The following NCALD variants were observed in gnomAD, a reference collection of about 807,000 sequenced individuals.
NCALD encodes the protein neurocalcin delta, also known as neurocalcin-delta.
NCALD carries 10 observed loss-of-function variants against 18.6 expected under a neutral mutation model. The observed-to-expected ratio is 0.54, with a 90% CI of 0.33 to 0.91. The LOEUF is 0.91. NCALD is among the 40% of genes least tolerant of loss of function. The pLI, the probability that NCALD is intolerant of heterozygous loss-of-function variation, is 0.03. For missense variants in NCALD, 184 were observed against 247.6 expected, an observed-to-expected ratio of 0.74 and a Z score of 1.72; for synonymous variants, 88 against 87.4, an observed-to-expected ratio of 1.01 and a Z score of -0.04.
In NCALD at chr8:101,719,594, G is replaced by GACCTCC. The variant is rs1563692570; in HGVS notation, c.30_35dup (p.Glu11_Val12dup). The stretch of plus-strand genomic sequence containing the variant: ...CTGTGCTTTCCAGCAAGTCCTGCAT[G>GACCTCC]ACCTCCGGGCGCAGCTTGCTGTTCT... On this transcript the variant is annotated inframe_insertion, in exon 2 of 4. Transcript: ENST00000220931. 1 of 1,607,012 alleles carries GACCTCC rather than the reference G, an allele frequency of 6.2e-7. No individual in the cohort carries two copies. The highest frequency in any genetic ancestry group is 8.5e-7 in the Non-Finnish European group (1 of 1,177,214).
In NCALD at chr8:101,843,405, T is replaced by C. The variant is rs1187269101; in HGVS notation, c.-20+43736A>G. On this transcript the variant is annotated intron_variant, in intron 4 of 6. Coordinates refer to the NCALD transcript ENST00000311028. ...TTAAACACCCTCCAGGGGATTTTGATGCAAGCTAAAGCTTCTGAGTATGTG... is the reference window on the plus strand; with the variant it reads ...TTAAACACCCTCCAGGGGATTTTGACGCAAGCTAAAGCTTCTGAGTATGTG... 3.3e-5 allele frequency among the ~76,000 whole-genome samples: 5 copies of C among 152,144 alleles called. No homozygotes were observed. The East Asian group carries it at 9.6e-4, about 29-fold the overall frequency.
intron 4 of NCALD, among the ~76,000 whole-genome samples, chr8:101,803,783 A>G (rs540885029): frequency 2.0e-5 from 3 of 152,330 alleles, no homozygotes; most frequent in African/African-American, 4.8e-5. Flanking sequence ...GATGGAATCT[A>G]CTTCTGGTGA....
chr8:101,932,622 G>GA (rs962571620), intron 2 of NCALD, among the ~76,000 whole-genome samples: 40 of 151,654 alleles, frequency 2.6e-4, no homozygotes, highest in South Asian at 6.3e-4. Flanking sequence ...GTACACGAGA[G>GA]AAAAAAAAGA....
intron 2 of NCALD, among the ~76,000 whole-genome samples, chr8:101,922,663 C>G (rs1024131627): frequency 3.9e-5 from 6 of 152,130 alleles, no homozygotes; most frequent in Non-Finnish European, 5.9e-5. Context: ...CGTAGTATCT[C>G]CAGTACAATA....
At chr8:101,772,409 A>G (rs1811621899) in intron 1 of NCALD, among the ~76,000 whole-genome samples, 1 of 152,152 alleles carries the variant, frequency 6.6e-6, no homozygotes, top group Admixed American at 6.5e-5. Context: ...GTATCTTCCT[A>G]GTGGCAAACA....
rs369393213 is a variant in NCALD at position 101,843,582 on chromosome 8, G to GTTTT, written c.-20+43555_-20+43558dup. Among the ~76,000 whole-genome samples the GTTTT allele has an allele frequency of 5.8e-4, 73 of 125,138 alleles. 5 individuals are homozygous for GTTTT. The highest frequency in any genetic ancestry group is 2.3e-3 in the African/African-American group (70 of 30,664). 82.1% of individuals were successfully genotyped at this position (125,138 alleles called of 152,430 possible). A position where few individuals can be genotyped will look rare whatever the true frequency, so the allele number is the denominator to read the frequency against. Reference sequence around the variant, plus strand: ...TCTGTTCTATGAATCTTTAAAAATTGTTTTTTTTTTTTTTGAGACAGTCTT... The same window carrying GTTTT: ...TCTGTTCTATGAATCTTTAAAAATTGTTTTTTTTTTTTTTTTTTGAGACAGTCTT... On this transcript the variant is annotated intron_variant, in intron 4 of 6. Transcript: ENST00000311028.
chr8:101,725,778 A>C (rs1304339930), intron 1 of NCALD, among the ~76,000 whole-genome samples: 2 of 152,224 alleles, frequency 1.3e-5, no homozygotes, highest in African/African-American at 4.8e-5. Context: ...CAGAGGGGTC[A>C]AGGGAGCTCT....
intron 2 of NCALD, among the ~76,000 whole-genome samples, chr8:101,949,673 T>C (rs1819313427): frequency 6.6e-6 from 1 of 152,090 alleles, no homozygotes; most frequent in Non-Finnish European, 1.5e-5. Flanking sequence ...AGAAAATAAC[T>C]GAAGGCCATC....
intron 4 of NCALD, among the ~76,000 whole-genome samples, chr8:101,838,490 G>A (rs1814505899): frequency 6.6e-6 from 1 of 152,202 alleles, no homozygotes; most frequent in African/African-American, 2.4e-5. Context: ...AAAGTGCTGG[G>A]ATTACAGGCA....
intron 2 of NCALD, among the ~76,000 whole-genome samples, chr8:101,980,347 T>C (rs1024099257): frequency 6.6e-6 from 1 of 152,154 alleles, no homozygotes; most frequent in African/African-American, 2.4e-5. Flanking sequence ...AGTGCAAACC[T>C]TTTTTAGCCC....
intron 3 of NCALD, among the ~76,000 whole-genome samples, chr8:101,897,833 T>G (rs1817262983): frequency 6.6e-6 from 1 of 152,174 alleles, no homozygotes; most frequent in Non-Finnish European, 1.5e-5. Flanking sequence ...GACATTGATA[T>G]GGTTTGACTG....
At chr8:101,813,394 T>G (rs1813378225) in intron 4 of NCALD, among the ~76,000 whole-genome samples, 1 of 152,070 alleles carries the variant, frequency 6.6e-6, no homozygotes, top group Non-Finnish European at 1.5e-5. Context: ...AAGGAGCACA[T>G]GATGAACTGG....
intron 2 of NCALD, among the ~76,000 whole-genome samples, chr8:101,929,114 TA>T (rs2131689553): frequency 1.3e-5 from 2 of 151,596 alleles, no homozygotes; most frequent in African/African-American, 4.8e-5. Context: ...AAATCTTATT[TA>T]ATCCATCATA....
chr8:102,095,611 G>A (rs1011724979), intron 1 of NCALD, among the ~76,000 whole-genome samples: 1 of 152,126 alleles, frequency 6.6e-6, no homozygotes, highest in African/African-American at 2.4e-5. Context: ...AAGCATTGGG[G>A]AGATAATTAC....
At chr8:101,716,418 T>C (rs1816088281) in intron 2 of NCALD, among the ~76,000 whole-genome samples, 1 of 152,092 alleles carries the variant, frequency 6.6e-6, no homozygotes, top group African/African-American at 2.4e-5. Flanking sequence ...TGTATACCTA[T>C]GTAACAAACC....
chr8:101,930,591 G>A (rs1818537814), intron 2 of NCALD, among the ~76,000 whole-genome samples: 1 of 151,736 alleles, frequency 6.6e-6, no homozygotes, highest in African/African-American at 2.4e-5. Context: ...ATGGCAAGCA[G>A]GAGAAGGCCT....
intron 2 of NCALD, among the ~76,000 whole-genome samples, chr8:101,970,355 T>C (rs1820193020): frequency 6.6e-6 from 1 of 152,234 alleles, no homozygotes; most frequent in African/African-American, 2.4e-5. Context: ...TTGTGTATTA[T>C]TGCATTGTAA....
intron 4 of NCALD, among the ~76,000 whole-genome samples, chr8:101,845,223 G>GCTCA (rs1480241813): frequency 1.3e-5 from 2 of 152,318 alleles, no homozygotes; most frequent in East Asian, 3.9e-4. Context: ...TAAAGAGTGA[G>GCTCA]CCCAGTAATG....
At chr8:102,012,762 T>C (rs868192139) in intron 2 of NCALD, among the ~76,000 whole-genome samples, 41 of 152,294 alleles carry the variant, frequency 2.7e-4, no homozygotes, top group Admixed American at 3.3e-4. Flanking sequence ...AGTCTACCCA[T>C]TCTTTAAGAT....
Sources: allele counts gnomAD v4.1 joint callset (sites outside exome capture counted in the v4.1 genomes callset), GRCh38; gene constraint gnomAD v4.1.1; transcripts MANE v1.5; gene names NCBI Gene and HGNC (gene_info 2026-07-23, HGNC 2026-07-21).